PLEC: variants seen among roughly 807,000 people sequenced by gnomAD.
PLEC encodes the protein plectin.
A neutral mutation model predicts 392.8 loss-of-function variants in PLEC; 216 were observed. The observed-to-expected ratio is 0.55, with a 90% CI of 0.49 to 0.62. The LOEUF is 0.62. Among genes scored for constraint, PLEC ranks in the 20% least tolerant of loss-of-function variants. The pLI is 0.00. For synonymous variants in PLEC, 3,621 were observed against 2,980.6 expected, an observed-to-expected ratio of 1.21 and a Z score of -7.00; for missense variants, 6,863 against 6,563.4, an observed-to-expected ratio of 1.05 and a Z score of -1.58.
At chr8:143,949,349 G>A (rs1217608376) in intron 1 of PLEC, among the ~76,000 whole-genome samples, 1 of 152,216 alleles carries the variant, frequency 6.6e-6, no homozygotes, top group African/African-American at 2.4e-5. Flanking sequence ...AGCACGGAGG[G>A]CAGAGTGCTC....
rs782655632 is a variant in PLEC at position 143,916,441 on chromosome 8, C to G, written c.13380G>C (p.Gly4460=). 2 of 1,611,786 alleles carry G rather than the reference C, an allele frequency of 1.2e-6. No individual in the cohort carries two copies. The highest frequency in any genetic ancestry group is 1.7e-6 in the Non-Finnish European group (2 of 1,179,480). Residue 4460 remains glycine, a synonymous_variant, in exon 32 of 32, where the codon GGG becomes GGC. Coordinates refer to ENST00000345136, the MANE Select transcript of PLEC (RefSeq NM_201384.3). ...LDRSMVEEGT[G]LRLLEAAAQS... ...GCGCGGCAGCCTCCAGCAGCCGCAGCCCCGTGCCCTCCTCCACCATGCTGC... is the reference window on the plus strand; with the variant it reads ...GCGCGGCAGCCTCCAGCAGCCGCAGGCCCGTGCCCTCCTCCACCATGCTGC...
upstream of PLEC, among the ~76,000 whole-genome samples, chr8:143,973,705 G>A (rs1418618622): frequency 6.6e-6 from 1 of 151,006 alleles, no homozygotes. This position sits in a 1 kb window ranked among gnomAD's most constrained non-coding sequence, Gnocchi z 5.6. Context: ...AGTCCCGCAC[G>A]CACGCCCTTT....
chr8:143,936,810 T>C (rs988997623), intron 5 of PLEC, among the ~76,000 whole-genome samples, 169 bp downstream of exon 5: 8 of 152,114 alleles, frequency 5.3e-5, no homozygotes, highest in Non-Finnish European at 7.4e-5. Context: ...ACAGATCCAG[T>C]CCAGGGTTGC....
Position 143,939,564 on chromosome 8 carries a change from A to G in PLEC, c.-103T>C, listed in dbSNP as rs1006668968. On this transcript the variant is annotated 5_prime_UTR_variant, in exon 1 of 32. Transcript: ENST00000345136. ...AGCTGAAGGCTGGCGGCCCCACGAG[A>G]CGCTCACTCGGCACAGGCTCAGCTC... 1.4e-5 allele frequency: 21 copies of G among 1,528,710 alleles called. No individual in the cohort carries two copies. The highest frequency in any genetic ancestry group is 1.8e-5 in the Non-Finnish European group (21 of 1,140,486). 94.7% of individuals were successfully genotyped at this position (1,528,710 alleles called of 1,614,324 possible).
chr8:143,941,985 G>T (rs901559863), upstream of PLEC, among the ~76,000 whole-genome samples: 1 of 152,154 alleles, frequency 6.6e-6, no homozygotes, highest in Admixed American at 6.5e-5. Context: ...TAGTGGAGAC[G>T]GTCCTAGGAT....
upstream of PLEC, among the ~76,000 whole-genome samples, chr8:143,940,272 C>T (rs1436500169): frequency 1.3e-5 from 2 of 152,230 alleles, no homozygotes; most frequent in Non-Finnish European, 2.9e-5. Context: ...GCAGACACCT[C>T]ACGTCGGAGG....
rs1162266547 is a variant in PLEC, at chr8:143,925,177, G to A, written c.4752C>T (p.Ser1584=). The A allele has an allele frequency of 4.5e-6, 7 of 1,571,098 alleles. No individual in the cohort carries two copies. Among genetic ancestry groups the A allele is most frequent in the South Asian group, 2.3e-5 (2 of 87,158 alleles). ...AEAELQSKRA[S]FAEKTAQLER... Reference sequence around the variant, plus strand: ...CCAGCTGTGCCGTCTTCTCGGCGAAGGAGGCGCGTTTGCTCTGCAGCTCCG... The same window carrying A: ...CCAGCTGTGCCGTCTTCTCGGCGAAAGAGGCGCGTTTGCTCTGCAGCTCCG... Residue 1584 remains serine (S), a synonymous_variant, in exon 31 of 32, where the codon TCC becomes TCT. Coordinates refer to ENST00000345136, the MANE Select transcript of PLEC (RefSeq NM_201384.3).
rs113725770 is a variant in PLEC at position 143,929,969 on chromosome 8, G to A, written c.2706C>T (p.Asp902=). Residue 902 remains aspartate (D), a synonymous_variant, in exon 22 of 32, where the codon GAC becomes GAT. Coordinates refer to ENST00000345136, the MANE Select transcript of PLEC (RefSeq NM_201384.3). ...SLLAWQSLRR[D]VQLIRSWSLA... is the part of the protein sequence containing the mutation. Reference sequence around the variant, plus strand: ...GGGACCAGGAGCGGATGAGCTGCACGTCGCGGCGAAGGCTCTGCCAGGCCA... The same window carrying A: ...GGGACCAGGAGCGGATGAGCTGCACATCGCGGCGAAGGCTCTGCCAGGCCA... 2.8e-5 allele frequency: 45 copies of A among 1,611,366 alleles called. No individual in the cohort carries two copies. The highest frequency in any genetic ancestry group is 1.7e-4 in the Middle Eastern group (1 of 6,058).
chr8:143,938,291 G>A lies in PLEC; in HGVS notation c.175-51C>T, dbSNP rs370429640. On this transcript the variant is annotated intron_variant, in intron 2 of 31. Transcript: ENST00000345136. The stretch of plus-strand genomic sequence containing the variant: ...GGCCAGTCCCCCAGAGCCACCAATA[G>A]GCCCTGAGTGGCTGATCTACAGAGT... 2.9e-4 allele frequency: 445 copies of A among 1,544,992 alleles called. 3 individuals carry two copies. The African/African-American group carries it at 5.4e-3, about 19-fold the overall frequency.
rs1013844189 is a variant in PLEC at position 143,919,341 on chromosome 8, A to G, written c.10480T>C (p.Phe3494Leu). 6.2e-7 allele frequency: 1 copy of G among 1,613,862 alleles called. No homozygotes were observed. Among genetic ancestry groups the G allele is most frequent in the Non-Finnish European group, 8.5e-7 (1 of 1,180,008 alleles). Residue 3494 changes from phenylalanine to leucine, a missense_variant, in exon 32 of 32, where the codon TTC becomes CTC. Coordinates refer to ENST00000345136, the MANE Select transcript of PLEC (RefSeq NM_201384.3). ...PVDVAYQRGY[F>L]SEEMNRVLAD... is the part of the protein sequence containing the mutation. Reference sequence around the variant, plus strand: ...AGGACGCGGTTCATCTCCTCACTGAAGTAGCCGCGCTGGTAGGCCACGTCC... The same window carrying G: ...AGGACGCGGTTCATCTCCTCACTGAGGTAGCCGCGCTGGTAGGCCACGTCC...
In PLEC at chr8:143,927,605, G is replaced by C; in HGVS notation, c.3561C>G (p.Arg1187=). The change falls in exon 27 of 32, where the codon CGC becomes CGG. Residue 1187 remains arginine (R), a synonymous_variant. Coordinates refer to ENST00000345136, the MANE Select transcript of PLEC (RefSeq NM_201384.3). Reference sequence around the variant, plus strand: ...CGGTCTGGGCCAGCACAGCCTGCCAGCGCTCAAGCAACTGGGCGACCCGCT... The same window carrying C: ...CGGTCTGGGCCAGCACAGCCTGCCACCGCTCAAGCAACTGGGCGACCCGCT... ...WRERVAQLLE[R]WQAVLAQTDV... 6.3e-7 allele frequency: 1 copy of C among 1,587,444 alleles called. No individual in the cohort carries two copies. The highest frequency in any genetic ancestry group is 1.3e-5 in the African/African-American group (1 of 74,676).
chr8:143,944,719 G>A, intron 1 of PLEC: 2 of 1,284,940 alleles, frequency 1.6e-6, no homozygotes, highest in Non-Finnish European at 2.0e-6. Flanking sequence ...GGTGTGGGAG[G>A]TCACAGGCCC....
chr8:143,929,259 C>T lies in PLEC; in HGVS notation c.3104G>A (p.Gly1035Glu), dbSNP rs1826313008. The change falls in exon 25 of 32, where the codon GGG becomes GAG. Residue 1035 changes from glycine to glutamate, a missense_variant. Physicochemically the swap from Gly to Glu is moderately conservative, Grantham distance 98. Transcript: ENST00000345136. Reference sequence around the variant, plus strand: ...GAGCCGGGCGACCCCCTTGCCCAGCCCCTCCACCTCTGCCTGTGCCTTCTG... The same window carrying T: ...GAGCCGGGCGACCCCCTTGCCCAGCTCCTCCACCTCTGCCTGTGCCTTCTG... The part of the protein sequence containing the change: ...EQQKAQAEVE[G>E]LGKGVARLSA... 1.2e-6 allele frequency: 2 copies of T among 1,601,414 alleles called. No individual in the cohort carries two copies. Among genetic ancestry groups the T allele is most frequent in the Non-Finnish European group, 8.5e-7 (1 of 1,179,554 alleles).
chr8:143,922,404 G>T lies in PLEC; in HGVS notation c.7426-9C>A, dbSNP rs782247843. 1.2e-6 allele frequency: 2 copies of T among 1,600,984 alleles called. No homozygotes were observed. Among genetic ancestry groups the T allele is most frequent in the Non-Finnish European group, 1.7e-6 (2 of 1,179,938 alleles). ...TGCTGCACCGTCTGCATCTGCAGAA[G>T]AAGAGGGTGTGATCAGGGACCGCCA... On this transcript the variant is annotated splice_polypyrimidine_tract_variant and intron_variant, in intron 31 of 31. Coordinates refer to ENST00000345136, the MANE Select transcript of PLEC (RefSeq NM_201384.3).
At chr8:143,931,277 C>T (rs1463600015) in intron 19 of PLEC, among the ~76,000 whole-genome samples, 5 of 151,980 alleles carry the variant, frequency 3.3e-5, no homozygotes, top group Non-Finnish European at 7.4e-5. Flanking sequence ...GCCTCATTCC[C>T]CCCTTGGCTG....
chr8:143,922,157 G>A lies in PLEC; in HGVS notation c.7664C>T (p.Ala2555Val), dbSNP rs1193397559. 1.1e-5 allele frequency: 17 copies of A among 1,540,358 alleles called. No individual in the cohort carries two copies. The highest frequency in any genetic ancestry group is 3.9e-5 in the Admixed American group (2 of 51,160). Residue 2555 changes from alanine (A) to valine (V), a missense_variant, in exon 32 of 32, where the codon GCG (alanine) becomes GTG (valine). Coordinates refer to ENST00000345136, the MANE Select transcript of PLEC (RefSeq NM_201384.3). ...RQRLVASMEE[A>V]RRRQHEAEEG... ...CTCGGCCTCATGCTGCCGCCGCCGCGCCTCCTCCATGCTGGCCACCAGCCG... is the reference window on the plus strand; with the variant it reads ...CTCGGCCTCATGCTGCCGCCGCCGCACCTCCTCCATGCTGGCCACCAGCCG...
rs367761849 is a variant in PLEC, at chr8:143,920,254, C to T, written c.9567G>A (p.Pro3189=). 69 of 1,598,486 alleles carry T rather than the reference C, an allele frequency of 4.3e-5. No individual in the cohort carries two copies. The African/African-American group carries it at 4.4e-4, about 10-fold the overall frequency. The change falls in exon 32 of 32, where the codon CCG becomes CCA. Residue 3189 remains proline (P), a synonymous_variant. Coordinates refer to ENST00000345136, the MANE Select transcript of PLEC (RefSeq NM_201384.3). ...KAYSDPSTGE[P]ATYGELQQRC... is the part of the protein sequence containing the mutation. ...GCTGCTGGAGCTCGCCGTAGGTGGC[C>T]GGCTCCCCTGTGCTGGGGTCACTGT... is the stretch of plus-strand genomic sequence containing the variant.
At chr8:143,942,293 C>T (rs968055574), upstream of PLEC, 13 of 1,446,558 alleles carry the variant, frequency 9.0e-6, no homozygotes, top group Non-Finnish European at 1.2e-5. Flanking sequence ...GCGCCACCCC[C>T]ATCCCAGCCC....
At position 143,920,911 on chromosome 8, in the gene PLEC, G is replaced by C. The variant is rs782399057; in HGVS notation, c.8910C>G (p.Gly2970=). The C allele has an allele frequency of 6.2e-6, 10 of 1,612,350 alleles. No individual in the cohort carries two copies. Among genetic ancestry groups the C allele is most frequent in the Non-Finnish European group, 6.8e-6 (8 of 1,180,038 alleles). Residue 2970 remains glycine, a synonymous_variant, in exon 32 of 32, where the codon GGC becomes GGG. Transcript: ENST00000345136. ...TGCGCAGGCCCTCAAAGCAAAGCCG[G>C]CCCTTCTGCTCCTGCTCCTCCACCA... ...ITVVEEQEQK[G]RLCFEGLRSL...
Sources: gnomAD v4.1 joint callset for allele counts (sites outside exome capture counted in the v4.1 genomes callset) on GRCh38, gnomAD v4.1.1 for gene constraint, Gnocchi (gnomAD v3.1) non-coding constraint, MANE v1.5 for transcripts, NCBI Gene and HGNC (gene_info 2026-07-23, HGNC 2026-07-21) for gene names.